Variants in DBT observed in about 807,000 individuals in gnomAD.
The protein encoded by DBT is dihydrolipoamide branched chain transacylase E2, also known as lipoamide acyltransferase component of branched-chain alpha-keto acid dehydrogenase complex, mitochondrial.
Under a neutral mutation model 51.3 loss-of-function variants are expected in DBT, and 40 were observed. The ratio of observed to expected loss-of-function variants is 0.78; its 90% CI spans 0.61 to 1.02. DBT has a LOEUF of 1.02. Ranked by LOEUF, DBT falls within the 50% of genes least tolerant of loss-of-function variation. The pLI is 0.00. For missense variants in DBT, 510 were observed against 580.2 expected, an observed-to-expected ratio of 0.88 and a Z score of 1.24; for synonymous variants, 181 against 190.4, an observed-to-expected ratio of 0.95 and a Z score of 0.41.
Position 100,188,396 on chromosome 1 carries a change from AC to A in DBT, c.*7858del, listed in dbSNP as rs1660666811. 2.0e-5 allele frequency: 3 copies of A among 152,324 alleles called. No homozygotes were observed. The highest frequency in any genetic ancestry group is 6.5e-5 in the Admixed American group (1 of 15,294). The allele number at this position is 152,324 out of a possible 1,614,324, so 9.4% of individuals were successfully genotyped here. On this transcript the variant is annotated 3_prime_UTR_variant, in exon 11 of 11. Coordinates refer to ENST00000370132, the MANE Select transcript of DBT (RefSeq NM_001918.5). ...CTGACTGCACTCTTAGAACTTCTCT[AC>A]AGACTTTATGATCTTTTTGGACTTT...
At chr1:100,209,980 TTATTA>T in intron 8 of DBT, among the ~76,000 whole-genome samples, 1 of 152,150 alleles carries the variant, frequency 6.6e-6, no homozygotes. Flanking sequence ...ATTCAAACTT[TTATTA>T]TTTTTCTCAC....
intron 7 of DBT, 140 bp downstream of exon 7, chr1:100,214,677 C>A: frequency 1.2e-6 from 1 of 812,312 alleles, no homozygotes; most frequent in South Asian, 1.4e-5. Context: ...TTGTTTAAAC[C>A]CGGAAGGTGG....
intron 4 of DBT, among the ~76,000 whole-genome samples, chr1:100,227,450 A>T (rs1002694543): frequency 2.0e-5 from 3 of 152,234 alleles, no homozygotes; most frequent in African/African-American, 7.2e-5. Context: ...GAGAGGAGAA[A>T]GGTCCACTTT....
intron 10 of DBT, among the ~76,000 whole-genome samples, chr1:100,201,662 C>T (rs1570801894): frequency 2.0e-5 from 3 of 152,252 alleles, no homozygotes; most frequent in South Asian, 4.1e-4. Flanking sequence ...AGACAAAGGT[C>T]GGGTTACCCA....
At chr1:100,248,523 G>A (rs141266724) in intron 1 of DBT, among the ~76,000 whole-genome samples, 19 of 152,322 alleles carry the variant, frequency 1.2e-4, no homozygotes, top group African/African-American at 4.3e-4. Flanking sequence ...GGTAACTAAA[G>A]CCAAAGAGTG....
At chr1:100,208,036 G>C (rs939650737) in intron 8 of DBT, among the ~76,000 whole-genome samples, 16 of 152,084 alleles carry the variant, frequency 1.1e-4, no homozygotes, top group Non-Finnish European at 8.8e-5. Context: ...TCAGGAGGCT[G>C]AAGCAGGAGA....
intron 8 of DBT, among the ~76,000 whole-genome samples, chr1:100,207,751 A>T (rs1210814716): frequency 1.3e-5 from 2 of 152,002 alleles, no homozygotes; most frequent in Non-Finnish European, 1.5e-5. Context: ...AGGTGGGAGG[A>T]TCATTTGACC....
intron 3 of DBT, among the ~76,000 whole-genome samples, chr1:100,232,429 C>CA (rs1427739260): frequency 6.6e-6 from 1 of 151,986 alleles, no homozygotes; most frequent in Non-Finnish European, 1.5e-5. Context: ...CATGAGCCAC[C>CA]ACACCTGGCC....
intron 1 of DBT, among the ~76,000 whole-genome samples, chr1:100,248,223 A>G (rs557396446): frequency 1.3e-5 from 2 of 152,288 alleles, no homozygotes; most frequent in East Asian, 3.9e-4. Context: ...CCTTCAACAT[A>G]AAAGAAGAAG....
intron 2 of DBT, among the ~76,000 whole-genome samples, chr1:100,236,476 T>A (rs1196904394): frequency 6.6e-6 from 1 of 152,116 alleles, no homozygotes; most frequent in Non-Finnish European, 1.5e-5. Context: ...GGTTGTAAAA[T>A]TTTCTTAAAT....
chr1:100,218,982 T>C (rs1216862367), intron 4 of DBT, among the ~76,000 whole-genome samples: 1 of 151,840 alleles, frequency 6.6e-6, no homozygotes, highest in Non-Finnish European at 1.5e-5. Flanking sequence ...TATTAGTACC[T>C]GGTGGATATG....
At chr1:100,249,712 T>C (rs1263444961) in intron 1 of DBT, 58 bp downstream of exon 1, 7 of 1,564,174 alleles carry the variant, frequency 4.5e-6, no homozygotes, top group Non-Finnish European at 6.2e-6. Context: ...ACACCACTCC[T>C]GGATGACTCC....
intron 8 of DBT, among the ~76,000 whole-genome samples, chr1:100,209,938 T>A (rs1272542502): frequency 6.6e-6 from 1 of 152,200 alleles, no homozygotes; most frequent in East Asian, 1.9e-4. Context: ...TAAGAAACTT[T>A]CACTACTCAC....
At chr1:100,246,133 G>A (rs1222075486) in intron 1 of DBT, among the ~76,000 whole-genome samples, 4 of 151,592 alleles carry the variant, frequency 2.6e-5, no homozygotes, top group East Asian at 1.9e-4. Flanking sequence ...ATGGTGGCGC[G>A]TGCCTGCCCA....
chr1:100,196,916 T>C (rs1269323724), intron 10 of DBT: 1 of 204,872 alleles, frequency 4.9e-6, no homozygotes, highest in African/African-American at 2.3e-5. Flanking sequence ...AAGCACCACA[T>C]CAAACAGGCT....
intron 10 of DBT, among the ~76,000 whole-genome samples, chr1:100,200,938 C>T (rs889135416): frequency 5.3e-5 from 8 of 152,076 alleles, no homozygotes; most frequent in Non-Finnish European, 8.8e-5. Context: ...TAGATAAATC[C>T]ATAAAGATGA....
intron 1 of DBT, among the ~76,000 whole-genome samples, chr1:100,245,212 T>A (rs940580589): frequency 4.8e-5 from 7 of 146,120 alleles, no homozygotes; most frequent in Non-Finnish European, 7.5e-5. Flanking sequence ...CCATCTCAAA[T>A]AATAATAATA....
At chr1:100,217,664 C>G (rs781681083) in intron 5 of DBT, among the ~76,000 whole-genome samples, 6 of 152,332 alleles carry the variant, frequency 3.9e-5, no homozygotes, top group Non-Finnish European at 7.3e-5. Flanking sequence ...AACAAAAAGT[C>G]TCATTGTGGG....
At chr1:100,240,696 A>G in intron 2 of DBT, 65 bp downstream of exon 2, 1 of 1,364,388 alleles carries the variant, frequency 7.3e-7, no homozygotes, top group Non-Finnish European at 1.0e-6. Flanking sequence ...ATCAACTACT[A>G]AAAAATATTA....
Sources: allele counts gnomAD v4.1 joint callset (sites outside exome capture counted in the v4.1 genomes callset), GRCh38; gene constraint gnomAD v4.1.1; transcripts MANE v1.5; gene names NCBI Gene and HGNC (gene_info 2026-07-23, HGNC 2026-07-21).